PBX1: variants seen among roughly 807,000 people sequenced by gnomAD.
PBX1 encodes pre-B-cell leukemia transcription factor 1.
A neutral mutation model predicts 53.4 loss-of-function variants in PBX1; 6 were observed. The observed-to-expected ratio is 0.11, with a 90% CI of 0.06 to 0.22. PBX1 has a LOEUF of 0.22. Among genes scored for constraint, PBX1 ranks in the 10% least tolerant of loss-of-function variants. The pLI, the probability that PBX1 is intolerant of heterozygous loss-of-function variation, is 1.00. For synonymous variants in PBX1, 204 were observed against 212.3 expected (o/e 0.96, Z 0.34); for missense variants, 251 against 551.4 (o/e 0.46, Z 5.46).
chr1:164,694,240 C>T (rs1257646329), intron 2 of PBX1, among the ~76,000 whole-genome samples: 1 of 152,120 alleles, frequency 6.6e-6, no homozygotes, highest in African/African-American at 2.4e-5. Flanking sequence ...TCTCTGTATT[C>T]TCTTGGTTTG....
intron 2 of PBX1, among the ~76,000 whole-genome samples, chr1:164,737,355 G>T (rs965549067): frequency 2.0e-5 from 3 of 152,030 alleles, no homozygotes. Context: ...TTTCAGTATT[G>T]ATATCCATTG....
At position 164,807,710 on chromosome 1, in the gene PBX1, C is replaced by T. The variant is rs201098311; in HGVS notation, c.837+33C>T. ...GCACCTCAAAAGCCTCAGCCTGTAG[C>T]CTGGCCATGGCGGGGCCTCCGGGGC... On this transcript the variant is annotated intron_variant, in intron 5 of 8. Transcript: ENST00000420696. 3.7e-6 allele frequency: 6 copies of T among 1,610,564 alleles called. No individual in the cohort carries two copies. The East Asian group carries it at 1.3e-4, about 36-fold the overall frequency.
intron 2 of PBX1, chr1:164,642,198 A>C (rs1043709975): frequency 6.6e-6 from 1 of 152,148 alleles, no homozygotes; most frequent in African/African-American, 2.4e-5. Context: ...AAGAAGGTAC[A>C]CCTGCAGTTT....
chr1:164,580,423 C>G lies in PBX1; in HGVS notation c.265+17112C>G, dbSNP rs905264607. On this transcript the variant is annotated intron_variant, in intron 2 of 8. Coordinates refer to ENST00000420696, the MANE Select transcript of PBX1 (RefSeq NM_002585.4). ...CCTCCCGAGTAGCTGGGATTACAGG[C>G]GTGCGCCACCATGCCCGGCTAATTT... Among the ~76,000 whole-genome samples, 126 of 149,416 alleles carry G rather than the reference C, an allele frequency of 8.4e-4. 1 individual carries two copies. Among genetic ancestry groups the G allele is most frequent in the African/African-American group, 3.0e-3 (121 of 40,558 alleles).
At chr1:164,643,033 A>C (rs1241697274) in intron 2 of PBX1, among the ~76,000 whole-genome samples, 1 of 152,200 alleles carries the variant, frequency 6.6e-6, no homozygotes, top group Non-Finnish European at 1.5e-5. Context: ...CCTCCTGGGC[A>C]TTAATTCTGC....
intron 2 of PBX1, among the ~76,000 whole-genome samples, chr1:164,775,517 T>TTGCCTCTGCCTAC (rs1271452144): frequency 6.6e-6 from 1 of 152,192 alleles, no homozygotes; most frequent in Non-Finnish European, 1.5e-5. Flanking sequence ...GAAACCACCT[T>TTGCCTCTGCCTAC]TGCCTCTGCC....
At chr1:164,574,894 A>G (rs1317522859) in intron 2 of PBX1, among the ~76,000 whole-genome samples, 2 of 152,076 alleles carry the variant, frequency 1.3e-5, no homozygotes, top group South Asian at 4.1e-4. Context: ...AGGCAGGAGA[A>G]TTTCTTGAAC....
chr1:164,761,726 A>C (rs931244225), intron 2 of PBX1, among the ~76,000 whole-genome samples: 4 of 152,164 alleles, frequency 2.6e-5, no homozygotes, highest in African/African-American at 9.7e-5. Context: ...TACAGGCGTG[A>C]GCCACCGCGC....
intron 2 of PBX1, among the ~76,000 whole-genome samples, chr1:164,863,810 A>C (rs1672151316): frequency 6.6e-6 from 1 of 152,162 alleles, no homozygotes; most frequent in Admixed American, 6.5e-5. Context: ...AAGATGAGGA[A>C]GACAGGGAGG....
chr1:164,559,700 C>A lies in PBX1; in HGVS notation c.-123C>A. 1 of 655,622 alleles carries A rather than the reference C, an allele frequency of 1.5e-6. No homozygotes were observed. The highest frequency in any genetic ancestry group is 2.4e-6 in the Non-Finnish European group (1 of 418,344). The allele number at this position is 655,622 out of a possible 1,614,324, so 40.6% of individuals were successfully genotyped here. A position where few individuals can be genotyped will look rare whatever the true frequency, so the allele number is the denominator to read the frequency against. The stretch of plus-strand genomic sequence containing the variant: ...TTTCTTTTGGTCTTCTTTTTTCCCC[C>A]TTCCCTGTTTATCCTGAAAAGGATT... On this transcript the variant is annotated 5_prime_UTR_variant, in exon 1 of 9. Transcript: ENST00000420696.
rs186242635 is a variant in PBX1, at chr1:164,877,438, C to T, written n.258-21750C>T. ...AGCACTTTGGGAGGCAGAGGCGGAC[C>T]GATCACTTGAGGTCAGGAATTCAAG... On this transcript the variant is annotated intron_variant and non_coding_transcript_variant, in intron 2 of 2. Transcript: ENST00000558796. Among the ~76,000 whole-genome samples the T allele has an allele frequency of 9.1e-4, 139 of 152,132 alleles. 1 individual carries two copies. In the East Asian group the frequency reaches 0.025, roughly 27 times the overall value.
intron 2 of PBX1, among the ~76,000 whole-genome samples, chr1:164,635,125 G>A (rs186446760): frequency 3.8e-4 from 57 of 151,828 alleles, no homozygotes; most frequent in Admixed American, 7.9e-4. Context: ...GAGAAAAGGA[G>A]GAACAACTGT....
intron 3 of PBX1, among the ~76,000 whole-genome samples, chr1:164,794,127 G>A (rs1046748328): frequency 2.0e-5 from 3 of 151,748 alleles, no homozygotes; most frequent in Non-Finnish European, 2.9e-5. Context: ...CACCTGCTTC[G>A]GCCTTCTAAA....
At chr1:164,640,332 G>GT (rs1659042311) in intron 2 of PBX1, among the ~76,000 whole-genome samples, 1 of 152,244 alleles carries the variant, frequency 6.6e-6, no homozygotes, top group South Asian at 2.1e-4. Context: ...AAGAGCTCTT[G>GT]TTCCTCAGTT....
At chr1:164,724,816 T>A (rs927391192) in intron 2 of PBX1, among the ~76,000 whole-genome samples, 4 of 151,752 alleles carry the variant, frequency 2.6e-5, no homozygotes, top group South Asian at 4.2e-4. Context: ...CTTGTATTCC[T>A]CTTTCAGGCA....
chr1:164,846,776 C>A lies in PBX1; in HGVS notation c.*100C>A. The stretch of plus-strand genomic sequence containing the variant: ...ACGCTGAAGCGGTCAGACTGGAGGT[C>A]GAAGCAATCAGCAAACACAATAAGA... On this transcript the variant is annotated 3_prime_UTR_variant, in exon 9 of 9. Coordinates refer to ENST00000420696, the MANE Select transcript of PBX1 (RefSeq NM_002585.4). The A allele has an allele frequency of 6.3e-7, 1 of 1,596,276 alleles. No homozygotes were observed. The highest frequency in any genetic ancestry group is 1.1e-5 in the South Asian group (1 of 89,706).
chr1:164,885,017 G>A (rs530936643), intron 2 of PBX1, among the ~76,000 whole-genome samples: 1 of 152,308 alleles, frequency 6.6e-6, no homozygotes, highest in Admixed American at 6.5e-5. Flanking sequence ...CATCTCCCCT[G>A]TACCGGTCAC....
chr1:164,731,088 C>G (rs1209325490), intron 2 of PBX1, among the ~76,000 whole-genome samples: 2 of 152,088 alleles, frequency 1.3e-5, no homozygotes, highest in Non-Finnish European at 2.9e-5. Flanking sequence ...TGTATGGGCG[C>G]ACGCGCATGC....
chr1:164,707,418 T>TGTGTGTGTGTGAGAGAGAGAGAGAGA (rs58617739), intron 2 of PBX1, among the ~76,000 whole-genome samples: 1 of 118,214 alleles, frequency 8.5e-6, no homozygotes, highest in African/African-American at 3.8e-5. Flanking sequence ...TGTGTGTGTG[T>TGTGTGTGTGTGAGAGAGAGAGAGAGA]GAGAGAGAGA....
Sources: allele counts gnomAD v4.1 joint callset (sites outside exome capture counted in the v4.1 genomes callset), GRCh38; gene constraint gnomAD v4.1.1; transcripts MANE v1.5; gene names NCBI Gene and HGNC (gene_info 2026-07-23, HGNC 2026-07-21).